The following PHF14 variants were observed in gnomAD, a reference collection of about 807,000 sequenced individuals.
PHF14 encodes the protein PHD finger protein 14.
Under a neutral mutation model 117.9 loss-of-function variants are expected in PHF14, and 55 were observed. The ratio of observed to expected loss-of-function variants is 0.47; its 90% confidence interval spans 0.38 to 0.58. PHF14 has a LOEUF of 0.58. Ranked by LOEUF, PHF14 falls within the 20% of genes least tolerant of loss-of-function variation. PHF14 has a pLI of 0.00. For missense variants in PHF14, 978 were observed against 1,122.2 expected (o/e 0.87, Z 1.84); for synonymous variants, 409 against 368.6 (o/e 1.11, Z -1.26).
At chr7:11,005,603 G>T (rs914804523) in intron 4 of PHF14, among the ~76,000 whole-genome samples, 3 of 151,914 alleles carry the variant, frequency 2.0e-5, no homozygotes, top group African/African-American at 7.3e-5. Flanking sequence ...TGTTAATTCT[G>T]TAATTCTTCT....
intron 17 of PHF14, among the ~76,000 whole-genome samples, chr7:11,117,643 A>G (rs1033268351): frequency 6.6e-6 from 1 of 151,342 alleles, no homozygotes; most frequent in Non-Finnish European, 1.5e-5. Context: ...ATGTATAAAT[A>G]TATATTTTCA....
intron 17 of PHF14, among the ~76,000 whole-genome samples, chr7:11,140,258 C>T (rs1788363284): frequency 6.6e-6 from 1 of 152,164 alleles, no homozygotes; most frequent in Admixed American, 6.6e-5. Flanking sequence ...TACACCCCCA[C>T]ACGGAAATAA....
intron 16 of PHF14, among the ~76,000 whole-genome samples, chr7:11,080,613 T>A (rs1034819085): frequency 6.6e-6 from 1 of 152,210 alleles, no homozygotes; most frequent in African/African-American, 2.4e-5. Context: ...ATAGAAGGGT[T>A]TACATTTAGT....
chr7:11,124,086 T>C (rs561846739), intron 17 of PHF14, among the ~76,000 whole-genome samples: 2 of 152,214 alleles, frequency 1.3e-5, no homozygotes, highest in East Asian at 1.9e-4. Flanking sequence ...TGAAGAAAGT[T>C]GGTATCAGGA....
Position 11,121,467 on chromosome 7 carries a change from A to G in PHF14, c.2772+10000A>G, listed in dbSNP as rs2128345964. On this transcript the variant is annotated intron_variant, in intron 17 of 17. Transcript: ENST00000634607. ...GTACAGTAGCCTCCCCCCACTGCCT[A>G]CTTAATTGCAGGGGTTATGTTCCAA... Among the ~76,000 whole-genome samples, 4 of 152,214 alleles carry G rather than the reference A, an allele frequency of 2.6e-5. No homozygotes were observed. In the Middle Eastern group the frequency reaches 0.014, roughly 518 times the overall value.
intron 17 of PHF14, among the ~76,000 whole-genome samples, chr7:11,134,230 A>G (rs1167834956): frequency 6.6e-6 from 1 of 151,998 alleles, no homozygotes; most frequent in Non-Finnish European, 1.5e-5. Context: ...TGTATTTTCA[A>G]TTCAAAAAAG....
At chr7:11,164,239 T>C (rs766336502) in intron 17 of PHF14, among the ~76,000 whole-genome samples, 44 of 152,218 alleles carry the variant, frequency 2.9e-4, no homozygotes, top group Non-Finnish European at 6.0e-4. Context: ...TCTCTTTGTA[T>C]TCATAGAGTC....
At chr7:11,072,301 A>T (rs147272280) in intron 16 of PHF14, among the ~76,000 whole-genome samples, 1,968 of 152,288 alleles carry the variant, frequency 0.013, 32 homozygotes, top group African/African-American at 0.045. Flanking sequence ...CACCATCATG[A>T]GAACAGCACC....
intron 6 of PHF14, among the ~76,000 whole-genome samples, chr7:11,024,365 T>C (rs1041261887): frequency 1.7e-4 from 26 of 152,174 alleles, no homozygotes; most frequent in African/African-American, 6.0e-4. Flanking sequence ...ATTCAGAAGA[T>C]TTAGCTAAGA....
chr7:11,021,134 A>G (rs1380362110), intron 5 of PHF14, among the ~76,000 whole-genome samples: 1 of 152,222 alleles, frequency 6.6e-6, no homozygotes, highest in African/African-American at 2.4e-5. Context: ...CTGCTTTATT[A>G]AAATATATGA....
intron 16 of PHF14, among the ~76,000 whole-genome samples, chr7:11,066,124 T>C (rs182590764): frequency 6.6e-6 from 1 of 152,364 alleles, no homozygotes; most frequent in East Asian, 1.9e-4. Flanking sequence ...GTTCGCACTT[T>C]TATTTATTTT....
chr7:11,116,766 A>G (rs1475217864), intron 17 of PHF14, among the ~76,000 whole-genome samples: 2 of 151,972 alleles, frequency 1.3e-5, no homozygotes, highest in Non-Finnish European at 2.9e-5. Flanking sequence ...GCAGTTAGGA[A>G]TAAGAACTAC....
chr7:11,044,653 C>T (rs1451956768), intron 13 of PHF14, among the ~76,000 whole-genome samples: 1 of 152,032 alleles, frequency 6.6e-6, no homozygotes, highest in African/African-American at 2.4e-5. Flanking sequence ...TTAACATTTT[C>T]AGTTTATTTT....
intron 17 of PHF14, among the ~76,000 whole-genome samples, chr7:11,137,688 C>T (rs529493950): frequency 1.4e-5 from 2 of 146,024 alleles, no homozygotes; most frequent in East Asian, 2.1e-4. Context: ...CAGGTTCAAG[C>T]GATTCTCCTA....
chr7:11,145,234 A>C (rs1158519601), intron 17 of PHF14, among the ~76,000 whole-genome samples: 1 of 151,998 alleles, frequency 6.6e-6, no homozygotes, highest in African/African-American at 2.4e-5. Flanking sequence ...ATGTGGTAGA[A>C]GTTTTTCCTT....
At chr7:11,040,491 A>C (rs1437926769) in intron 11 of PHF14, among the ~76,000 whole-genome samples, 181 bp from the exon 12 acceptor site, 1 of 152,078 alleles carries the variant, frequency 6.6e-6, no homozygotes, top group Admixed American at 6.6e-5. Context: ...ATAGATTTCT[A>C]ATGGAAATAA....
rs1475641245 is a variant in PHF14 at position 11,006,240 on chromosome 7, A to G, written c.1046-7507A>G. Among the ~76,000 whole-genome samples the G allele has an allele frequency of 2.6e-5, 4 of 152,298 alleles. No individual in the cohort carries two copies. In the East Asian group the frequency reaches 7.7e-4, roughly 29 times the overall value. On this transcript the variant is annotated intron_variant, in intron 4 of 17. Transcript: ENST00000634607. Reference sequence around the variant, plus strand: ...TTTTGGATATAATCTCTTTATTACAATGTGCATTCACCTTATTAAGAATGA... The same window carrying G: ...TTTTGGATATAATCTCTTTATTACAGTGTGCATTCACCTTATTAAGAATGA...
chr7:11,054,304 A>T (rs558247366), intron 14 of PHF14, among the ~76,000 whole-genome samples: 3 of 152,288 alleles, frequency 2.0e-5, no homozygotes, highest in African/African-American at 7.2e-5. Flanking sequence ...GGGTTTGACT[A>T]AGCAGATTTC....
At position 11,115,795 on chromosome 7, in the gene PHF14, T is replaced by G. The variant is rs1270297133; in HGVS notation, c.2772+4328T>G. Among the ~76,000 whole-genome samples, 4 of 152,048 alleles carry G rather than the reference T, an allele frequency of 2.6e-5. No individual in the cohort carries two copies. The South Asian group carries it at 8.3e-4, about 31-fold the overall frequency. ...GACAGTTCCTTAGTCTTTCCTTAAC[T>G]TTCATTAGCTTGTGACTTTTGAAAA... On this transcript the variant is annotated intron_variant, in intron 17 of 17. Transcript: ENST00000634607.
Sources: gnomAD v4.1 joint callset for allele counts (sites outside exome capture counted in the v4.1 genomes callset) on GRCh38, gnomAD v4.1.1 for gene constraint, MANE v1.5 for transcripts, NCBI Gene and HGNC (gene_info 2026-07-23, HGNC 2026-07-21) for gene names.